The following TSGA13 variants were observed in gnomAD, a reference collection of about 807,000 sequenced individuals.
TSGA13 encodes the protein testis specific 13, also known as testis-specific gene 13 protein.
TSGA13 carries 37 observed loss-of-function variants against 35.1 expected under a neutral mutation model. That is an observed-to-expected ratio of 1.05 (90% CI 0.81 to 1.39). The LOEUF (loss-of-function observed/expected upper bound fraction) is 1.39, where lower values mean the gene tolerates loss of function less well. TSGA13 is among the 40% of genes most tolerant of loss of function. The pLI is 0.00. For missense variants in TSGA13, 338 were observed against 328.5 expected (o/e 1.03, Z -0.22); for synonymous variants, 124 against 121.2 (o/e 1.02, Z -0.15).
At chr7:130,683,288 G>A (rs1796589613) in intron 3 of TSGA13, among the ~76,000 whole-genome samples, 1 of 152,222 alleles carries the variant, frequency 6.6e-6, no homozygotes, top group Non-Finnish European at 1.5e-5. Context: ...AAGATACCCA[G>A]TGGAGTTTTG....
chr7:130,671,910 G>T, intron 6 of TSGA13, 122 bp from the exon 7 acceptor site: 1 of 736,404 alleles, frequency 1.4e-6, no homozygotes, highest in Non-Finnish European at 1.7e-6. Context: ...TTTATTTTGA[G>T]ACACAAGTCT....
chr7:130,681,649 A>T (rs968136178), intron 3 of TSGA13, among the ~76,000 whole-genome samples: 1 of 151,988 alleles, frequency 6.6e-6, no homozygotes, highest in African/African-American at 2.4e-5. Flanking sequence ...TTGCTTTTTT[A>T]TTTTTATTTT....
rs781991373 is a variant in TSGA13, at chr7:130,685,161, CTTAG to C, written c.23+23_23+26del. ...AGTTAATATAAAGTGGTGTTTATAA[CTTAG>C]TTGGGCAAACAAGACTACATACTTG... On this transcript the variant is annotated intron_variant, in intron 2 of 7. Coordinates refer to ENST00000356588, the MANE Select transcript of TSGA13 (RefSeq NM_052933.4). 10 of 1,611,074 alleles carry C rather than the reference CTTAG, an allele frequency of 6.2e-6. No homozygotes were observed. The African/African-American group carries it at 1.1e-4, about 17-fold the overall frequency.
At chr7:130,687,209 T>A (rs2116339009), upstream of TSGA13, 1 of 152,332 alleles carries the variant, frequency 6.6e-6, no homozygotes, top group South Asian at 2.1e-4. Context: ...ACTACTCAGG[T>A]CATTCCTTTA....
Position 130,668,872 on chromosome 7 carries a change from C to A in TSGA13, c.*142G>T, listed in dbSNP as rs575662543. On this transcript the variant is annotated 3_prime_UTR_variant, in exon 8 of 8. Transcript: ENST00000356588. ...GCCCCCTTCTCCTCTTGCGGCCCGC[C>A]GGAGACTTCGGCTCGACCCTCCCGG... 4 of 1,386,522 alleles carry A rather than the reference C, an allele frequency of 2.9e-6. No homozygotes were observed. Among genetic ancestry groups the A allele is most frequent in the Non-Finnish European group, 2.9e-6 (3 of 1,028,630 alleles). 85.9% of individuals were successfully genotyped at this position (1,386,522 alleles called of 1,614,324 possible).
intron 5 of TSGA13, 26 bp downstream of exon 5, chr7:130,679,129 T>A (rs782280779): frequency 1.3e-6 from 2 of 1,581,642 alleles, no homozygotes; most frequent in Non-Finnish European, 1.7e-6. Flanking sequence ...GGTTCACATT[T>A]TGGGTGCCAG....
chr7:130,673,963 C>T lies in TSGA13; in HGVS notation c.388-1087G>A, dbSNP rs191895545. Among the ~76,000 whole-genome samples, 815 of 151,664 alleles carry T rather than the reference C, an allele frequency of 5.4e-3. 5 individuals carry two copies. The highest frequency in any genetic ancestry group is 0.027 in the Middle Eastern group (8 of 292). ...CAAAAAAATTAGCTGGGCGTGGTGG[C>T]GCGTGCCTATATTCCCAGCTACTTG... On this transcript the variant is annotated intron_variant, in intron 5 of 7. Coordinates refer to ENST00000356588, the MANE Select transcript of TSGA13 (RefSeq NM_052933.4).
At chr7:130,680,507 GAA>G (rs5887470) in intron 4 of TSGA13, among the ~76,000 whole-genome samples, 33 of 118,986 alleles carry the variant, frequency 2.8e-4, no homozygotes, top group Non-Finnish European at 3.0e-4. Context: ...CTCCATCTCA[GAA>G]AAAAAAAAAA....
chr7:130,680,689 A>G (rs1283439113), intron 4 of TSGA13, among the ~76,000 whole-genome samples: 4 of 151,946 alleles, frequency 2.6e-5, no homozygotes, highest in African/African-American at 9.7e-5. Context: ...GATCATAAAT[A>G]TGTTTCCTCA....
chr7:130,668,840 C>G lies in TSGA13; in HGVS notation c.*174G>C. Reference sequence around the variant, plus strand: ...CCGGCCGCCCTCGGCCCCCGGGACGCAGCCACGCCCCCTTCTCCTCTTGCG... The same window carrying G: ...CCGGCCGCCCTCGGCCCCCGGGACGGAGCCACGCCCCCTTCTCCTCTTGCG... On this transcript the variant is annotated 3_prime_UTR_variant, in exon 8 of 8. Transcript: ENST00000356588. The G allele has an allele frequency of 7.8e-7, 1 of 1,289,486 alleles. No individual in the cohort carries two copies. The highest frequency in any genetic ancestry group is 1.0e-6 in the Non-Finnish European group (1 of 958,532). 79.9% of individuals were successfully genotyped at this position (1,289,486 alleles called of 1,614,324 possible).
chr7:130,681,084 C>T, intron 3 of TSGA13, 67 bp from the exon 4 acceptor site: 3 of 1,378,604 alleles, frequency 2.2e-6, no homozygotes, highest in Non-Finnish European at 3.1e-6. Flanking sequence ...CCATTCCTTA[C>T]CTCACCTTAG....
At chr7:130,680,372 G>A (rs553331163) in intron 4 of TSGA13, among the ~76,000 whole-genome samples, 65 of 152,150 alleles carry the variant, frequency 4.3e-4, no homozygotes, top group African/African-American at 1.5e-3. Flanking sequence ...CAGGCGTAGT[G>A]GGGGGCGCCT....
intron 7 of TSGA13, 105 bp downstream of exon 7, chr7:130,671,556 C>T: frequency 7.7e-7 from 1 of 1,291,938 alleles, no homozygotes; most frequent in Non-Finnish European, 1.0e-6. Flanking sequence ...GTCTCCAGGA[C>T]TACCACGAGA....
intron 5 of TSGA13, among the ~76,000 whole-genome samples, chr7:130,674,724 CTAAT>C (rs1337032427): frequency 2.0e-5 from 3 of 152,278 alleles, no homozygotes; most frequent in Non-Finnish European, 2.9e-5. Context: ...AATGACCAAA[CTAAT>C]TAATTAACAT....
chr7:130,680,433 G>C (rs556438849), intron 4 of TSGA13, among the ~76,000 whole-genome samples: 2 of 151,894 alleles, frequency 1.3e-5, no homozygotes, highest in South Asian at 2.1e-4. Flanking sequence ...ATGAACCCAG[G>C]GGGCGGAGCT....
chr7:130,669,043 T>C lies in TSGA13; in HGVS notation c.799A>G (p.Ile267Val). 6.2e-7 allele frequency: 1 copy of C among 1,614,158 alleles called. No homozygotes were observed. Residue 267 changes from isoleucine to valine, a missense_variant, in exon 8 of 8, where the codon ATT becomes GTT. Coordinates refer to ENST00000356588, the MANE Select transcript of TSGA13 (RefSeq NM_052933.4). ...CCGATGACCGTGGCCTTTTTGATAA[T>C]CCACTGCGGGGCCCTCCCGTTGCGG... is the stretch of plus-strand genomic sequence containing the variant. ...AFRNGRAPQW[I>V]IKKATVIG
At chr7:130,677,957 G>A (rs1796451374) in intron 5 of TSGA13, among the ~76,000 whole-genome samples, 2 of 152,080 alleles carry the variant, frequency 1.3e-5, no homozygotes, top group Admixed American at 6.5e-5. Flanking sequence ...TAGATTCCAA[G>A]TTCCTTTAAG....
At chr7:130,677,371 C>T (rs1441223389) in intron 5 of TSGA13, among the ~76,000 whole-genome samples, 1 of 152,046 alleles carries the variant, frequency 6.6e-6, no homozygotes, top group Non-Finnish European at 1.5e-5. Context: ...AAACAGTCTT[C>T]CTAAAATGCA....
chr7:130,668,929 C>G lies in TSGA13; in HGVS notation c.*85G>C. 6.5e-7 allele frequency: 1 copy of G among 1,526,822 alleles called. No homozygotes were observed. The highest frequency in any genetic ancestry group is 8.8e-7 in the Non-Finnish European group (1 of 1,135,952). The allele number at this position is 1,526,822 out of a possible 1,614,324, so 94.6% of individuals were successfully genotyped here. A position where few individuals can be genotyped will look rare whatever the true frequency, so the allele number is the denominator to read the frequency against. ...ACCCGGGAGCCCACGCCCGCAGCAG[C>G]AGGAATGTGGTTTTATTTGGGTGGC... On this transcript the variant is annotated 3_prime_UTR_variant, in exon 8 of 8. Transcript: ENST00000356588.
Sources: allele counts gnomAD v4.1 joint callset (sites outside exome capture counted in the v4.1 genomes callset), GRCh38; gene constraint gnomAD v4.1.1; transcripts MANE v1.5; gene names NCBI Gene and HGNC (gene_info 2026-07-23, HGNC 2026-07-21).